ZNF493: variants seen among roughly 807,000 people sequenced by gnomAD.
ZNF493 encodes zinc finger protein 493.
In ZNF493, 11 loss-of-function variants were observed where a neutral mutation model predicts 12.2. That is an observed-to-expected ratio of 0.90 (90% CI 0.57 to 1.50). ZNF493 has a LOEUF of 1.50. ZNF493 is among the 40% of genes most tolerant of loss of function. The probability of loss-of-function intolerance (pLI) is 0.00; values close to 1 mark genes in which losing one functional copy is unlikely to be tolerated. For synonymous variants in ZNF493, 286 were observed against 302.6 expected, an observed-to-expected ratio of 0.95 and a Z score of 0.57; for missense variants, 950 against 906.6, an observed-to-expected ratio of 1.05 and a Z score of -0.61.
chr19:21,422,701 C>T (rs891425775), intron 3 of ZNF493, among the ~76,000 whole-genome samples: 3 of 151,908 alleles, frequency 2.0e-5, no homozygotes, highest in Non-Finnish European at 4.4e-5. Flanking sequence ...TTTGTGCTCA[C>T]CTGGGGTACT....
chr19:21,416,245 A>T (rs1019013179), intron 3 of ZNF493, among the ~76,000 whole-genome samples: 1 of 151,720 alleles, frequency 6.6e-6, no homozygotes, highest in Non-Finnish European at 1.5e-5. Flanking sequence ...AACCTTGCAC[A>T]TTTTTTTTCT....
intron 1 of ZNF493, among the ~76,000 whole-genome samples, chr19:21,401,468 A>G (rs1466456193): frequency 3.3e-5 from 5 of 152,004 alleles, no homozygotes. Flanking sequence ...CTGTTTTTAC[A>G]TAATGGGTTG....
chr19:21,424,986 G>A lies in ZNF493; in HGVS notation c.*2G>A. On this transcript the variant is annotated 3_prime_UTR_variant, in exon 4 of 4. Coordinates refer to ENST00000392288, the MANE Select transcript of ZNF493 (RefSeq NM_001076678.3). ...ACTGAAGAGACTGTACAAAAGTGAA[G>A]AATGTGGCAAAGGCCTTTACTGCTC... The A allele has an allele frequency of 6.3e-7, 1 of 1,582,136 alleles. No individual in the cohort carries two copies. The highest frequency in any genetic ancestry group is 8.6e-7 in the Non-Finnish European group (1 of 1,167,036).
chr19:21,405,569 A>T, intron 2 of ZNF493, 192 bp from the exon 3 acceptor site: 1 of 1,234,044 alleles, frequency 8.1e-7, no homozygotes, highest in South Asian at 2.0e-5. Flanking sequence ...TTATCCATGA[A>T]TACTGGGTGG....
intron 3 of ZNF493, chr19:21,408,438 T>G: frequency 1.0e-6 from 1 of 984,952 alleles, no homozygotes; most frequent in Non-Finnish European, 1.2e-6. Flanking sequence ...CACTTGTTTC[T>G]TTTAAATGCT....
At position 21,426,728 on chromosome 19, in the gene ZNF493, C is replaced by A; in HGVS notation, c.*1744C>A. 6.0e-6 allele frequency: 1 copy of A among 166,710 alleles called. No individual in the cohort carries two copies. The highest frequency in any genetic ancestry group is 1.5e-5 in the Non-Finnish European group (1 of 68,034). The allele number at this position is 166,710 out of a possible 1,614,324, so 10.3% of individuals were successfully genotyped here. Reference sequence around the variant, plus strand: ...CAGAGTTTATACGAAAATATATTTTCAAAGGTGTAGTAAAAATAAAAAAAA... The same window carrying A: ...CAGAGTTTATACGAAAATATATTTTAAAAGGTGTAGTAAAAATAAAAAAAA... On this transcript the variant is annotated 3_prime_UTR_variant, in exon 4 of 4. Coordinates refer to ENST00000392288, the MANE Select transcript of ZNF493 (RefSeq NM_001076678.3).
In ZNF493 at chr19:21,397,211, G is replaced by A. The variant is rs1974183701; in HGVS notation, c.-27G>A. 1 of 1,614,022 alleles carries A rather than the reference G, an allele frequency of 6.2e-7. No homozygotes were observed. On this transcript the variant is annotated 5_prime_UTR_variant, in exon 1 of 4. Transcript: ENST00000392288. ...CTCAGCGTGTGTGGCTTCGTGACCT[G>A]AAGATACTGGGAAATCCATAGCTAA...
intron 1 of ZNF493, chr19:21,398,538 CA>C: frequency 2.9e-6 from 1 of 339,394 alleles, no homozygotes. Flanking sequence ...GGGGATAAAC[CA>C]AGATAACTGC....
intron 2 of ZNF493, 28 bp from the exon 3 acceptor site, chr19:21,405,733 T>C (rs775993511): frequency 6.3e-7 from 1 of 1,575,814 alleles, no homozygotes; most frequent in Admixed American, 1.7e-5. Context: ...ATGAGCAAGA[T>C]TCATGTTATT....
intron 3 of ZNF493, among the ~76,000 whole-genome samples, chr19:21,410,962 T>C (rs2030306680): frequency 6.6e-6 from 1 of 152,036 alleles, no homozygotes; most frequent in Non-Finnish European, 1.5e-5. Flanking sequence ...CCAGCTAATT[T>C]TGTATTTTTT....
intron 1 of ZNF493, among the ~76,000 whole-genome samples, chr19:21,400,435 AT>A (rs34594973): frequency 3.3e-5 from 5 of 151,868 alleles, no homozygotes; most frequent in Non-Finnish European, 5.9e-5. Flanking sequence ...GCACCTTAAA[AT>A]TTTTTTTCCC....
At position 21,426,914 on chromosome 19, in the gene ZNF493, A is replaced by T. The variant is rs2030869981; in HGVS notation, c.*1930A>T. 2 of 167,024 alleles carry T rather than the reference A, an allele frequency of 1.2e-5. No individual in the cohort carries two copies. The highest frequency in any genetic ancestry group is 4.1e-4 in the South Asian group (2 of 4,820). The allele number at this position is 167,024 out of a possible 1,614,324, so 10.3% of individuals were successfully genotyped here. A position where few individuals can be genotyped will look rare whatever the true frequency, so the allele number is the denominator to read the frequency against. On this transcript the variant is annotated 3_prime_UTR_variant, in exon 4 of 4. Coordinates refer to ENST00000392288, the MANE Select transcript of ZNF493 (RefSeq NM_001076678.3). ...TATATAATGTTAAGAGGAGTAAAAG[A>T]TTTTTTGTAGAATAATAACTATATT...
At chr19:21,409,600 C>T (rs1248817613) in intron 3 of ZNF493, among the ~76,000 whole-genome samples, 2 of 151,906 alleles carry the variant, frequency 1.3e-5, no homozygotes, top group Non-Finnish European at 2.9e-5. Flanking sequence ...TTAAAAATAG[C>T]CAGGCGTGGT....
chr19:21,414,956 G>A (rs1270330815), intron 3 of ZNF493, among the ~76,000 whole-genome samples: 1 of 152,162 alleles, frequency 6.6e-6, no homozygotes, highest in African/African-American at 2.4e-5. Context: ...TGCCAAGTAA[G>A]ACTATTTATA....
At position 21,425,060 on chromosome 19, in the gene ZNF493, C is replaced by A. The variant is rs2145316187; in HGVS notation, c.*76C>A. 4.7e-6 allele frequency: 7 copies of A among 1,476,924 alleles called. No homozygotes were observed. Among genetic ancestry groups the A allele is most frequent in the South Asian group, 1.2e-5 (1 of 82,646 alleles). The allele number at this position is 1,476,924 out of a possible 1,614,324, so 91.5% of individuals were successfully genotyped here. A position where few individuals can be genotyped will look rare whatever the true frequency, so the allele number is the denominator to read the frequency against. Reference sequence around the variant, plus strand: ...GCAAAGCTTTTCACCAGTACTTTACCCTTAATACACATAAGATAATTAATG... The same window carrying A: ...GCAAAGCTTTTCACCAGTACTTTACACTTAATACACATAAGATAATTAATG... On this transcript the variant is annotated 3_prime_UTR_variant, in exon 4 of 4. Coordinates refer to ENST00000392288, the MANE Select transcript of ZNF493 (RefSeq NM_001076678.3).
chr19:21,426,223 G>A lies in ZNF493; in HGVS notation c.*1239G>A, dbSNP rs2030852913. The A allele has an allele frequency of 4.8e-6, 1 of 206,756 alleles. No homozygotes were observed. The highest frequency in any genetic ancestry group is 1.1e-5 in the Non-Finnish European group (1 of 91,520). The allele number at this position is 206,756 out of a possible 1,614,324, so 12.8% of individuals were successfully genotyped here. ...AATGTAACAAAGTATTTAAATGGTT[G>A]TCACACTTGATTATAGGTAATATTC... is the stretch of plus-strand genomic sequence containing the variant. On this transcript the variant is annotated 3_prime_UTR_variant, in exon 4 of 4. Transcript: ENST00000392288.
At chr19:21,399,095 C>T (rs1211939655) in intron 1 of ZNF493, among the ~76,000 whole-genome samples, 3 of 152,082 alleles carry the variant, frequency 2.0e-5, no homozygotes, top group South Asian at 2.1e-4. Flanking sequence ...AAGAATCTCT[C>T]AAGTTATTGA....
At chr19:21,413,006 A>G in intron 3 of ZNF493, 1 of 380,026 alleles carries the variant, frequency 2.6e-6, no homozygotes, top group Non-Finnish European at 5.0e-6. Context: ...TCATCTGACC[A>G]TTTTGTTCAG....
Position 21,424,264 on chromosome 19 carries a change from T to A in ZNF493, c.1605T>A (p.His535Gln). ...AACGATCTTCAACCCTTACTATACA[T>A]AAAATGATTCACACTGGAGAAAAAC... The part of the protein sequence containing the change: ...AFKRSSTLTI[H>Q]KMIHTGEKPY... The change falls in exon 4 of 4, where the codon CAT becomes CAA. Residue 535 changes from histidine to glutamine, a missense_variant. His to Gln is a conservative substitution (Grantham distance 24, BLOSUM62 0). Coordinates refer to ENST00000392288, the MANE Select transcript of ZNF493 (RefSeq NM_001076678.3). 1.2e-6 allele frequency: 2 copies of A among 1,612,072 alleles called. No homozygotes were observed. The highest frequency in any genetic ancestry group is 1.7e-6 in the Non-Finnish European group (2 of 1,178,864).
Sources: gnomAD v4.1 joint callset for allele counts (sites outside exome capture counted in the v4.1 genomes callset) on GRCh38, gnomAD v4.1.1 for gene constraint, MANE v1.5 for transcripts, NCBI Gene and HGNC (gene_info 2026-07-23, HGNC 2026-07-21) for gene names.